Variants in SPHKAP observed in about 807,000 individuals in gnomAD.
The protein encoded by SPHKAP is SPHK1 interactor, AKAP domain containing.
A neutral mutation model predicts 137.5 loss-of-function variants in SPHKAP; 67 were observed. The observed-to-expected ratio is 0.49, with a 90% CI of 0.40 to 0.60. The LOEUF (loss-of-function observed/expected upper bound fraction) is 0.60. SPHKAP is among the 20% of genes least tolerant of loss of function. The pLI, the probability that SPHKAP is intolerant of heterozygous loss-of-function variation, is 0.00. For synonymous variants in SPHKAP, 813 were observed against 785.3 expected (o/e 1.04, Z -0.59); for missense variants, 2,097 against 2,069.3 (o/e 1.01, Z -0.26).
intron 3 of SPHKAP, chr2:228,027,980 A>G (rs932054115): frequency 5.4e-5 from 53 of 978,782 alleles, no homozygotes; most frequent in Admixed American, 6.2e-5. Context: ...AAAAAAAGAA[A>G]AAAGAAAAAA....
At chr2:228,031,029 G>A (rs1241691720) in intron 3 of SPHKAP, among the ~76,000 whole-genome samples, 1 of 152,222 alleles carries the variant, frequency 6.6e-6, no homozygotes, top group African/African-American at 2.4e-5. Context: ...GCCAGAGAGT[G>A]GATGCAGCGC....
At chr2:228,057,501 G>T (rs1220671366) in intron 3 of SPHKAP, among the ~76,000 whole-genome samples, 1 of 152,258 alleles carries the variant, frequency 6.6e-6, no homozygotes, top group East Asian at 1.9e-4. Context: ...TCTTCAGGGG[G>T]TGTGTGCCAG....
chr2:228,167,120 T>A (rs1003612079), intron 1 of SPHKAP, among the ~76,000 whole-genome samples: 1 of 152,154 alleles, frequency 6.6e-6, no homozygotes, highest in African/African-American at 2.4e-5. Context: ...AGGGTTAAAT[T>A]TCAGCAGGAG....
intron 2 of SPHKAP, among the ~76,000 whole-genome samples, chr2:228,129,502 T>A (rs1699179848): frequency 6.6e-6 from 1 of 152,138 alleles, no homozygotes; most frequent in Admixed American, 6.5e-5. Flanking sequence ...TTTGTATTTC[T>A]CCCCAAGATC....
intron 3 of SPHKAP, among the ~76,000 whole-genome samples, chr2:228,075,185 G>A (rs987042893): frequency 6.6e-6 from 1 of 152,192 alleles, no homozygotes; most frequent in African/African-American, 2.4e-5. Context: ...CCTCAAAGAT[G>A]AGAGGGATTT....
intron 3 of SPHKAP, among the ~76,000 whole-genome samples, chr2:228,101,399 A>G (rs1698177997): frequency 6.6e-6 from 1 of 152,160 alleles, no homozygotes; most frequent in Non-Finnish European, 1.5e-5. Flanking sequence ...CATGTGCTTA[A>G]ATATTTCTTG....
At position 228,113,497 on chromosome 2, in the gene SPHKAP, C is replaced by A. The variant is rs190824243; in HGVS notation, c.139-4558G>T. ...TCTAGTTTTTGCAGAACGAGAATTT[C>A]AGTCAGGCTCCCAGACATTAGAGCC... On this transcript the variant is annotated intron_variant, in intron 2 of 11. Coordinates refer to ENST00000392056, the MANE Select transcript of SPHKAP (RefSeq NM_001142644.2). Among the ~76,000 whole-genome samples the A allele has an allele frequency of 1.8e-3, 272 of 152,178 alleles. 3 individuals carry two copies. The highest frequency in any genetic ancestry group is 0.018 in the Admixed American group (272 of 15,260).
At chr2:228,115,362 C>A (rs991896308) in intron 2 of SPHKAP, among the ~76,000 whole-genome samples, 5 of 152,086 alleles carry the variant, frequency 3.3e-5, no homozygotes, top group Non-Finnish European at 1.5e-5. Context: ...TCCTTCCCCA[C>A]TTCCAGTGCC....
In SPHKAP at chr2:228,132,026, C is replaced by A. The variant is rs770428112; in HGVS notation, c.92G>T (p.Gly31Val). Residue 31 changes from glycine to valine, a missense_variant, in exon 2 of 12, where the codon GGC becomes GTC. Coordinates refer to ENST00000392056, the MANE Select transcript of SPHKAP (RefSeq NM_001142644.2). ...VLEPQQGRGC[G>V]SSGSGPGNSI... ...GTTCCCCGGGCCGCTTCCTGAGCTG[C>A]CACAGCCTCTGCCCTGCTGCGGTTC... The A allele has an allele frequency of 1.9e-6, 3 of 1,613,976 alleles. No homozygotes were observed. In the African/African-American group the frequency reaches 4.0e-5, roughly 22 times the overall value.
chr2:228,172,516 G>A (rs1700615957), intron 1 of SPHKAP, among the ~76,000 whole-genome samples: 1 of 152,116 alleles, frequency 6.6e-6, no homozygotes, highest in Non-Finnish European at 1.5e-5. Context: ...TGGAAGTCTA[G>A]AGCAAAAAGA....
chr2:228,095,109 G>A (rs1482666673), intron 3 of SPHKAP, among the ~76,000 whole-genome samples: 2 of 150,450 alleles, frequency 1.3e-5, no homozygotes, highest in South Asian at 2.1e-4. Flanking sequence ...TGTAGATTCC[G>A]TAGATTCCAA....
intron 3 of SPHKAP, among the ~76,000 whole-genome samples, chr2:228,031,597 C>T (rs2106239408): frequency 6.6e-6 from 1 of 152,328 alleles, no homozygotes. Flanking sequence ...CCCCGAGCAG[C>T]CTAACTCGGA....
chr2:228,152,125 G>A (rs1699952836), intron 1 of SPHKAP, among the ~76,000 whole-genome samples: 1 of 152,078 alleles, frequency 6.6e-6, no homozygotes, highest in Admixed American at 6.6e-5. Flanking sequence ...GTTGAGAATT[G>A]CTTTATTCTC....
At chr2:228,162,939 T>C (rs1700317957) in intron 1 of SPHKAP, among the ~76,000 whole-genome samples, 1 of 152,146 alleles carries the variant, frequency 6.6e-6, no homozygotes, top group East Asian at 1.9e-4. Flanking sequence ...CCTCAGTTGA[T>C]CCATCCAGCT....
At chr2:228,056,627 A>G (rs912496741) in intron 3 of SPHKAP, among the ~76,000 whole-genome samples, 2 of 152,170 alleles carry the variant, frequency 1.3e-5, no homozygotes, top group Admixed American at 6.5e-5. Context: ...GAAGTATGAC[A>G]TAATGTATGA....
chr2:228,040,454 A>G (rs931716945), intron 3 of SPHKAP, among the ~76,000 whole-genome samples: 1 of 152,218 alleles, frequency 6.6e-6, no homozygotes, highest in Non-Finnish European at 1.5e-5. Flanking sequence ...ACATTCCGGA[A>G]TACATTCGAC....
chr2:228,136,713 AC>A (rs1160984928), intron 1 of SPHKAP, among the ~76,000 whole-genome samples: 1 of 152,190 alleles, frequency 6.6e-6, no homozygotes, highest in Non-Finnish European at 1.5e-5. Flanking sequence ...GGTAATTTAT[AC>A]ATCCATTAGA....
At chr2:228,178,871 A>G (rs1275563221) in intron 1 of SPHKAP, among the ~76,000 whole-genome samples, 2 of 152,258 alleles carry the variant, frequency 1.3e-5, no homozygotes, top group African/African-American at 2.4e-5. Flanking sequence ...GTAAAAATGA[A>G]TTAGAGTTTT....
intron 1 of SPHKAP, among the ~76,000 whole-genome samples, chr2:228,135,616 G>A (rs765604090): frequency 6.6e-6 from 1 of 152,190 alleles, no homozygotes; most frequent in African/African-American, 2.4e-5. Context: ...AGTTGAAAAC[G>A]AAGTTATGGA....
Sources: gnomAD v4.1 joint callset for allele counts (sites outside exome capture counted in the v4.1 genomes callset) on GRCh38, gnomAD v4.1.1 for gene constraint, MANE v1.5 for transcripts, NCBI Gene and HGNC (gene_info 2026-07-23, HGNC 2026-07-21) for gene names.